NACA: variants seen among roughly 807,000 people sequenced by gnomAD.
The protein encoded by NACA is nascent polypeptide associated complex subunit alpha, also known as nascent polypeptide-associated complex subunit alpha.
Under a neutral mutation model 86.4 loss-of-function variants are expected in NACA, and 42 were observed. That is an observed-to-expected ratio of 0.49 (90% CI 0.38 to 0.63). The LOEUF (loss-of-function observed/expected upper bound fraction) is 0.63, where lower values mean the gene tolerates loss of function less well. Among genes scored for constraint, NACA ranks in the 20% least tolerant of loss-of-function variants. The probability of loss-of-function intolerance (pLI) is 0.00; values close to 1 mark genes in which losing one functional copy is unlikely to be tolerated. For missense variants in NACA, 2,157 were observed against 2,483.6 expected (o/e 0.87, Z 2.80); for synonymous variants, 898 against 973.7 (o/e 0.92, Z 1.45).
At chr12:56,724,038 A>C (rs1003766277) in intron 2 of NACA, among the ~76,000 whole-genome samples, 3 of 152,214 alleles carry the variant, frequency 2.0e-5, no homozygotes, top group Non-Finnish European at 4.4e-5. Flanking sequence ...ATAAAGGCAC[A>C]ATGCCAAGCT....
Position 56,719,300 on chromosome 12 carries a change from T to A in NACA, c.2230A>T (p.Thr744Ser), listed in dbSNP as rs765554055. The change falls in exon 3 of 9, where the codon ACT becomes TCT. Residue 744 changes from threonine (T) to serine (S), a missense_variant. By Grantham distance (58) the Thr-to-Ser change is moderately conservative. Transcript: ENST00000454682. The stretch of plus-strand genomic sequence containing the variant: ...TCAACCTTTTTTGTACCTGGAGGAG[T>A]CCCAGCTGGGGGAAGAGAGGGTGAG... ...VPSPSLPPAGTPPGTKKVDGI... is the reference protein window; with the variant it reads ...VPSPSLPPAGSPPGTKKVDGI... 1 of 1,597,814 alleles carries A rather than the reference T, an allele frequency of 6.3e-7. No individual in the cohort carries two copies. The highest frequency in any genetic ancestry group is 8.5e-7 in the Non-Finnish European group (1 of 1,170,284).
rs1419780882 is a variant in NACA at position 56,720,875 on chromosome 12, G to A, written c.655C>T (p.Pro219Ser). 2 of 1,613,890 alleles carry A rather than the reference G, an allele frequency of 1.2e-6. No individual in the cohort carries two copies. The highest frequency in any genetic ancestry group is 1.7e-6 in the Non-Finnish European group (2 of 1,179,888). Residue 219 changes from proline to serine, a missense_variant, in exon 3 of 9, where the codon CCC becomes TCC. Transcript: ENST00000454682. ...VSTVPYHCVT[P>S]MASIQSGVAS... is the part of the protein sequence containing the mutation. The stretch of plus-strand genomic sequence containing the variant: ...ACTCCAGATTGAATAGAGGCCATGG[G>A]AGTCACACAGTGGTAAGGAACAGTA...
At position 56,719,290 on chromosome 12, in the gene NACA, C is replaced by T. The variant is rs757612091; in HGVS notation, c.2240G>A (p.Gly747Asp). The change falls in exon 3 of 9, where the codon GGT (glycine) becomes GAT (aspartate). Residue 747 changes from glycine to aspartate, a missense_variant. Gly to Asp is a moderately conservative substitution (Grantham distance 94, BLOSUM62 -1). Around this residue, in one of 8 missense-constraint regions of NACA, gnomAD observed 947 missense variants for 917.9 expected, o/e 1.03. Transcript: ENST00000454682. The stretch of plus-strand genomic sequence containing the variant: ...AGAAATACCATCAACCTTTTTTGTA[C>T]CTGGAGGAGTCCCAGCTGGGGGAAG... ...PSLPPAGTPP[G>D]TKKVDGISHT... 4 of 1,591,136 alleles carry T rather than the reference C, an allele frequency of 2.5e-6. No individual in the cohort carries two copies. In the South Asian group the frequency reaches 3.3e-5, roughly 13 times the overall value.
Position 56,718,113 on chromosome 12 carries a change from ACC to A in NACA, c.3415_3416del (p.Gly1139SerfsTer205). ...CCCCTTTTGGGGGTGGGGTAGCTAG[ACC>A]TCCTTTTGGGGAGGGAGGAGTTGCA... Reference protein sequence around the residue: ...PAATPPSPKGGLATPPPKGAP... With the variant: ...PAATPPSPKGXLATPPPKGAP... On this transcript the variant is annotated frameshift_variant, in exon 3 of 9. Coordinates refer to ENST00000454682, the MANE Select transcript of NACA (RefSeq NM_001365896.1). LOFTEE classifies it high-confidence loss of function. The A allele has an allele frequency of 4.5e-6, 4 of 887,556 alleles. No homozygotes were observed. Among genetic ancestry groups the A allele is most frequent in the Non-Finnish European group, 2.6e-6 (2 of 756,404 alleles). 55.0% of individuals were successfully genotyped at this position (887,556 alleles called of 1,614,324 possible). A position where few individuals can be genotyped will look rare whatever the true frequency, so the allele number is the denominator to read the frequency against.
rs373860894 is a variant in NACA, at chr12:56,717,631, C to T, written c.3899G>A (p.Gly1300Asp). 2 of 1,215,232 alleles carry T rather than the reference C, an allele frequency of 1.6e-6. No homozygotes were observed. Among genetic ancestry groups the T allele is most frequent in the African/African-American group, 1.7e-5 (1 of 59,620 alleles). 75.3% of individuals were successfully genotyped at this position (1,215,232 alleles called of 1,614,324 possible). Residue 1300 changes from glycine to aspartate, a missense_variant, in exon 3 of 9, where the codon GGC (glycine) becomes GAC (aspartate). This residue lies in a region of NACA where 797 missense variants were observed against 777.6 expected (regional missense o/e 1.02). Coordinates refer to ENST00000454682, the MANE Select transcript of NACA (RefSeq NM_001365896.1). The stretch of plus-strand genomic sequence containing the variant: ...CCCTTTGGGGGGTGAGGTAGCTGGG[C>T]CTCCTTTTGGAGAGGGAGGAGTTAC... ...AVVTPPSPKG[G>D]PATSPPKGAP...
Position 56,724,378 on chromosome 12 carries a change from C to T in NACA, c.70+74G>A, listed in dbSNP as rs186519167. On this transcript the variant is annotated intron_variant, in intron 2 of 8. Coordinates refer to ENST00000454682, the MANE Select transcript of NACA (RefSeq NM_001365896.1). ...CCCATCCTCCTAAAAAGTGTATTTC[C>T]CCTTGGTCATTTTGCCCACCAAATG... The T allele has an allele frequency of 8.9e-6, 13 of 1,455,040 alleles. No individual in the cohort carries two copies. In the Admixed American group the frequency reaches 1.3e-4, roughly 15 times the overall value. The allele number at this position is 1,455,040 out of a possible 1,614,324, so 90.1% of individuals were successfully genotyped here.
intron 2 of NACA, 119 bp downstream of exon 2, chr12:56,724,333 C>G: frequency 1.1e-6 from 1 of 937,602 alleles, no homozygotes. Flanking sequence ...ACGGTCTATC[C>G]TCCTTGGTAA....
rs750756822 is a variant in NACA at position 56,719,391 on chromosome 12, G to A, written c.2139C>T (p.Ser713=). The A allele has an allele frequency of 2.5e-6, 4 of 1,611,490 alleles. No homozygotes were observed. Among genetic ancestry groups the A allele is most frequent in the Non-Finnish European group, 3.4e-6 (4 of 1,178,854 alleles). Residue 713 remains serine, a synonymous_variant, in exon 3 of 9, where the codon TCC becomes TCT. Transcript: ENST00000454682. ...CCAGAGGAGCACAGGTATTCTGGGGGGATGGAGCCACAGGGCAATTTTCTG... is the reference window on the plus strand; with the variant it reads ...CCAGAGGAGCACAGGTATTCTGGGGAGATGGAGCCACAGGGCAATTTTCTG... ...TASENCPVAP[S]PQNTCAPLAT...
chr12:56,717,438 G>T lies in NACA; in HGVS notation c.4092C>A (p.Ser1364=). The T allele has an allele frequency of 7.2e-7, 1 of 1,394,408 alleles. No individual in the cohort carries two copies. Among genetic ancestry groups the T allele is most frequent in the Non-Finnish European group, 9.5e-7 (1 of 1,048,000 alleles). 86.4% of individuals were successfully genotyped at this position (1,394,408 alleles called of 1,614,324 possible). The change falls in exon 3 of 9, where the codon TCC becomes TCA. Residue 1364 remains serine (S), a synonymous_variant. Coordinates refer to ENST00000454682, the MANE Select transcript of NACA (RefSeq NM_001365896.1). ...CTGGGGGAGTGGGGCCCTCTTTGGA[G>T]GATGGAGTAGTTGGGCCTCCTTTAG... ...PSSKGGPTTP[S]SKEGPTPPAA... is the part of the protein sequence containing the mutation.
chr12:56,723,593 T>C (rs974121637), intron 2 of NACA, among the ~76,000 whole-genome samples: 1 of 152,162 alleles, frequency 6.6e-6, no homozygotes, highest in African/African-American at 2.4e-5. Context: ...GAAGAAACTT[T>C]ATGCTTTCAA....
Position 56,719,788 on chromosome 12 carries a change from T to C in NACA, c.1742A>G (p.Glu581Gly). Residue 581 changes from glutamate (E) to glycine (G), a missense_variant, in exon 3 of 9, where the codon GAG becomes GGG. Coordinates refer to ENST00000454682, the MANE Select transcript of NACA (RefSeq NM_001365896.1). ...PSFQSTSSSP[E>G]IPLSPEATLA... is the part of the protein sequence containing the mutation. ...GGTGGCTTCAGGAGAAAGAGGTATCTCTGGAGAAGAGGATGTACTTTGGAA... is the reference window on the plus strand; with the variant it reads ...GGTGGCTTCAGGAGAAAGAGGTATCCCTGGAGAAGAGGATGTACTTTGGAA... The C allele has an allele frequency of 4.3e-6, 7 of 1,613,690 alleles. No homozygotes were observed. The highest frequency in any genetic ancestry group is 5.9e-6 in the Non-Finnish European group (7 of 1,179,834).
At position 56,720,640 on chromosome 12, in the gene NACA, G is replaced by A. The variant is rs1228508523; in HGVS notation, c.890C>T (p.Thr297Ile). 2 of 1,613,984 alleles carry A rather than the reference G, an allele frequency of 1.2e-6. No individual in the cohort carries two copies. Among genetic ancestry groups the A allele is most frequent in the South Asian group, 1.1e-5 (1 of 91,088 alleles). ...CAGAGAAATGGGAAAATCTGGGGGG[G>A]TGTTGGGACCCGCAGTCTTTTGAGA... is the stretch of plus-strand genomic sequence containing the variant. ...TSSQKTAGPN[T>I]PPDFPISLGS... Residue 297 changes from threonine (T) to isoleucine (I), a missense_variant, in exon 3 of 9, where the codon ACC (threonine) becomes ATC (isoleucine). Physicochemically the swap from Thr to Ile is moderately conservative, Grantham distance 89. Coordinates refer to ENST00000454682, the MANE Select transcript of NACA (RefSeq NM_001365896.1).
rs1953287082 is a variant in NACA, at chr12:56,714,196, T to C, written c.5823+166A>G. 6.3e-6 allele frequency: 4 copies of C among 638,276 alleles called. No homozygotes were observed. The South Asian group carries it at 7.8e-5, about 12-fold the overall frequency. 39.5% of individuals were successfully genotyped at this position (638,276 alleles called of 1,614,324 possible). Reference sequence around the variant, plus strand: ...TACCACTACTAAGAATTGGGTTCAGTGTATACTGCTTGGGTGACAGGTGCA... The same window carrying C: ...TACCACTACTAAGAATTGGGTTCAGCGTATACTGCTTGGGTGACAGGTGCA... On this transcript the variant is annotated intron_variant, in intron 5 of 8. Coordinates refer to ENST00000454682, the MANE Select transcript of NACA (RefSeq NM_001365896.1).
chr12:56,722,095 A>G (rs1438532263), intron 2 of NACA, among the ~76,000 whole-genome samples: 2 of 152,332 alleles, frequency 1.3e-5, no homozygotes, highest in East Asian at 3.9e-4. Flanking sequence ...GCACAGCACA[A>G]TTCAGTTCTT....
rs756015790 is a variant in NACA at position 56,716,377 on chromosome 12, G to C, written c.5153C>G (p.Pro1718Arg). 5.0e-6 allele frequency: 8 copies of C among 1,610,702 alleles called. No individual in the cohort carries two copies. Among genetic ancestry groups the C allele is most frequent in the Non-Finnish European group, 6.8e-6 (8 of 1,178,338 alleles). ...AGAACCATTCTTAGCTGAGGGATCT[G>C]GGCATATAGGAGGTGAAGTAGCAGA... Reference protein sequence around the residue: ...KSSATSPPICPDPSAKNGSKG... With the variant: ...KSSATSPPICRDPSAKNGSKG... Residue 1718 changes from proline to arginine, a missense_variant, in exon 3 of 9, where the codon CCA becomes CGA. Physicochemically the swap from Pro to Arg is moderately radical, Grantham distance 103. This residue lies in a region of NACA where 797 missense variants were observed against 777.6 expected (regional missense o/e 1.02). Transcript: ENST00000454682.
Position 56,720,775 on chromosome 12 carries a change from G to A in NACA, c.755C>T (p.Ser252Phe), listed in dbSNP as rs774677183. 1.9e-6 allele frequency: 3 copies of A among 1,613,896 alleles called. No homozygotes were observed. The highest frequency in any genetic ancestry group is 2.2e-5 in the South Asian group (2 of 91,092). ...GTTTTGTGGAGAAATCAGAACTGAG[G>A]AAATGGTGGTATCTTTGACTTGAGG... is the stretch of plus-strand genomic sequence containing the variant. ...ASPQVKDTTI[S>F]SVLISPQNPG... Residue 252 changes from serine to phenylalanine, a missense_variant, in exon 3 of 9, where the codon TCC becomes TTC. Around this residue, in one of 8 missense-constraint regions of NACA, gnomAD observed 947 missense variants for 917.9 expected, o/e 1.03. Coordinates refer to ENST00000454682, the MANE Select transcript of NACA (RefSeq NM_001365896.1).
At position 56,720,313 on chromosome 12, in the gene NACA, G is replaced by A. The variant is rs1953536128; in HGVS notation, c.1217C>T (p.Ser406Leu). 6.2e-7 allele frequency: 1 copy of A among 1,613,850 alleles called. No individual in the cohort carries two copies. The highest frequency in any genetic ancestry group is 8.5e-7 in the Non-Finnish European group (1 of 1,179,814). The change falls in exon 3 of 9, where the codon TCA becomes TTA. Residue 406 changes from serine (S) to leucine (L), a missense_variant. Physicochemically the swap from Ser to Leu is moderately radical, Grantham distance 145. Around this residue, in one of 8 missense-constraint regions of NACA, gnomAD observed 947 missense variants for 917.9 expected, o/e 1.03. Transcript: ENST00000454682. Reference protein sequence around the residue: ...SGSLNVATSFSLSPTTSLILK... With the variant: ...SGSLNVATSFLLSPTTSLILK... ...AATGAGAGAGGTTGTAGGAGATAAT[G>A]AAAAAGAGGTAGCTACATTTAAGGA...
In NACA at chr12:56,716,238, A is replaced by T. The variant is rs1206762707; in HGVS notation, c.5292T>A (p.Pro1764=). 6.2e-7 allele frequency: 1 copy of T among 1,613,782 alleles called. No homozygotes were observed. The highest frequency in any genetic ancestry group is 8.5e-7 in the Non-Finnish European group (1 of 1,179,876). Residue 1764 remains proline, a synonymous_variant, in exon 3 of 9, where the codon CCT becomes CCA. Coordinates refer to ENST00000454682, the MANE Select transcript of NACA (RefSeq NM_001365896.1). ...ASHSPKGPLA[P]PESKASTPLT... ...GAGGGGTGGACGCCTTAGACTCAGGAGGAGCCAAGGGGCCCTTTGGGGAAT... is the reference window on the plus strand; with the variant it reads ...GAGGGGTGGACGCCTTAGACTCAGGTGGAGCCAAGGGGCCCTTTGGGGAAT...
In NACA at chr12:56,718,724, G is replaced by C; in HGVS notation, c.2806C>G (p.Pro936Ala). ...APKGIPASPS[P>A]KGAPTPPAAT... is the part of the protein sequence containing the mutation. Reference sequence around the variant, plus strand: ...GCTGGGGGTGTGGGGGCCCCTTTGGGGGATGGGGAAGCTGGGATTCCTTTA... The same window carrying C: ...GCTGGGGGTGTGGGGGCCCCTTTGGCGGATGGGGAAGCTGGGATTCCTTTA... Residue 936 changes from proline (P) to alanine (A), a missense_variant, in exon 3 of 9, where the codon CCC (proline) becomes GCC (alanine). Pro to Ala is a conservative substitution (Grantham distance 27). This residue lies in a region of NACA where 174 missense variants were observed against 217.0 expected (regional missense o/e 0.80). Transcript: ENST00000454682. 1 of 1,441,756 alleles carries C rather than the reference G, an allele frequency of 6.9e-7. No homozygotes were observed. Among genetic ancestry groups the C allele is most frequent in the Non-Finnish European group, 9.3e-7 (1 of 1,069,636 alleles). 89.3% of individuals were successfully genotyped at this position (1,441,756 alleles called of 1,614,324 possible).
Sources: gnomAD v4.1 joint callset for allele counts (sites outside exome capture counted in the v4.1 genomes callset) on GRCh38, gnomAD v4.1.1 for gene constraint, gnomAD v4.1.1 regional missense constraint, MANE v1.5 for transcripts, NCBI Gene and HGNC (gene_info 2026-07-23, HGNC 2026-07-21) for gene names.